Variants in LHX4 observed in about 807,000 individuals in gnomAD.
LHX4 encodes the protein LIM homeobox 4, also known as LIM/homeobox protein Lhx4.
LHX4 carries 16 observed loss-of-function variants against 39.2 expected under a neutral mutation model. The observed-to-expected ratio is 0.41, with a 90% CI of 0.28 to 0.62. The LOEUF (loss-of-function observed/expected upper bound fraction) is 0.62. Among genes scored for constraint, LHX4 ranks in the 20% least tolerant of loss-of-function variants. The pLI, the probability that LHX4 is intolerant of heterozygous loss-of-function variation, is 0.33. For synonymous variants in LHX4, 206 were observed against 198.1 expected, an observed-to-expected ratio of 1.04 and a Z score of -0.33; for missense variants, 439 against 511.9, an observed-to-expected ratio of 0.86 and a Z score of 1.37.
At chr1:180,250,463 G>A (rs1647579546) in intron 2 of LHX4, among the ~76,000 whole-genome samples, 1 of 152,180 alleles carries the variant, frequency 6.6e-6, no homozygotes, top group South Asian at 2.1e-4. Context: ...GAGCTGCCCT[G>A]CTTCTGTGAT....
chr1:180,229,968 G>T (rs1226525601), upstream of LHX4, among the ~76,000 whole-genome samples: 3 of 140,880 alleles, frequency 2.1e-5, no homozygotes, highest in Non-Finnish European at 3.1e-5. Context: ...GCGGGGAGGG[G>T]GGGGGGGTGC....
upstream of LHX4, chr1:180,230,177 G>A (rs1664139033): frequency 7.8e-6 from 3 of 385,432 alleles, no homozygotes; most frequent in South Asian, 4.7e-5. This position sits in a 1 kb window ranked among gnomAD's most constrained non-coding sequence, Gnocchi z 5.8. Context: ...AAACGCCCGG[G>A]TGACCGCGGC....
upstream of LHX4, among the ~76,000 whole-genome samples, chr1:180,229,291 A>G (rs1664100374): frequency 6.6e-6 from 1 of 152,118 alleles, no homozygotes; most frequent in African/African-American, 2.4e-5. Context: ...GGGACCTAAG[A>G]CAGGGCCGAG....
chr1:180,262,696 A>G (rs954173041), intron 2 of LHX4, among the ~76,000 whole-genome samples: 2 of 149,710 alleles, frequency 1.3e-5, no homozygotes, highest in Non-Finnish European at 3.0e-5. Flanking sequence ...AAAAAAAAAA[A>G]GAAAAGAAAA....
At chr1:180,264,378 A>ACACACACACACACACACAC (rs1242935728) in intron 2 of LHX4, among the ~76,000 whole-genome samples, 11 of 145,302 alleles carry the variant, frequency 7.6e-5, no homozygotes, top group Admixed American at 1.4e-4. Context: ...ACACACACAT[A>ACACACACACACACACACAC]ACACACACAC....
chr1:180,269,694 T>C (rs1001819837), intron 3 of LHX4: 9 of 152,246 alleles, frequency 5.9e-5, no homozygotes, highest in African/African-American at 2.2e-4. Context: ...AATATAAAGA[T>C]TGTACACAAG....
rs550247877 is a variant in LHX4 at position 180,238,749 on chromosome 1, C to T, written c.76+8144C>T. Among the ~76,000 whole-genome samples the T allele has an allele frequency of 1.5e-3, 229 of 152,192 alleles. 2 individuals are homozygous for T. Among genetic ancestry groups the T allele is most frequent in the South Asian group, 0.015 (72 of 4,818 alleles). On this transcript the variant is annotated intron_variant, in intron 1 of 5. Transcript: ENST00000263726. Reference sequence around the variant, plus strand: ...ATTCTGTTATTGTCTCTTCAAGATACGCTGATTTAGAATAAGTGAAAATAT... The same window carrying T: ...ATTCTGTTATTGTCTCTTCAAGATATGCTGATTTAGAATAAGTGAAAATAT...
At position 180,248,387 on chromosome 1, in the gene LHX4, G is replaced by A; in HGVS notation, c.179G>A (p.Cys60Tyr). Residue 60 changes from cysteine to tyrosine, a missense_variant, in exon 2 of 6, where the codon TGC becomes TAC. Coordinates refer to ENST00000263726, the MANE Select transcript of LHX4 (RefSeq NM_033343.4). ...WHSSCLKCAD[C>Y]QMQLADRCFS... Reference sequence around the variant, plus strand: ...AGCTCCTGCCTCAAGTGTGCAGACTGCCAGATGCAGCTGGCGGACAGGTGC... The same window carrying A: ...AGCTCCTGCCTCAAGTGTGCAGACTACCAGATGCAGCTGGCGGACAGGTGC... 1 of 1,614,250 alleles carries A rather than the reference G, an allele frequency of 6.2e-7. No individual in the cohort carries two copies. Among genetic ancestry groups the A allele is most frequent in the Non-Finnish European group, 8.5e-7 (1 of 1,180,044 alleles).
At chr1:180,231,565 CGCGCGCGCGCGCGACAAGCGCCGGGAGA>C (rs1664181263) in intron 1 of LHX4, among the ~76,000 whole-genome samples, 1 of 138,684 alleles carries the variant, frequency 7.2e-6, no homozygotes, top group Non-Finnish European at 1.5e-5. Context: ...CGCGCGCGCG[CGCGCGCGCGCGCGACAAGCGCCGGGAGA>C]GTCCTGCCCC....
chr1:180,248,173 G>C, intron 1 of LHX4, 112 bp from the exon 2 acceptor site: 1 of 950,342 alleles, frequency 1.1e-6, no homozygotes, highest in South Asian at 1.4e-5. Context: ...CTGCGGTTTG[G>C]GCCATGTCTG....
intron 1 of LHX4, among the ~76,000 whole-genome samples, chr1:180,239,411 C>T (rs1344360567): frequency 6.6e-6 from 1 of 152,210 alleles, no homozygotes; most frequent in African/African-American, 2.4e-5. Context: ...ATTTCAGTTG[C>T]ATATGTGATT....
chr1:180,244,260 G>A (rs1460227629), intron 1 of LHX4, among the ~76,000 whole-genome samples: 1 of 152,156 alleles, frequency 6.6e-6, no homozygotes, highest in Non-Finnish European at 1.5e-5. Flanking sequence ...GAATAGAAAA[G>A]GTTTTTAATT....
At chr1:180,260,296 G>C (rs1485020263) in intron 2 of LHX4, among the ~76,000 whole-genome samples, 1 of 151,740 alleles carries the variant, frequency 6.6e-6, no homozygotes, top group Non-Finnish European at 1.5e-5. Context: ...TCTGCTCAGA[G>C]GTCGGAACTT....
intron 3 of LHX4, among the ~76,000 whole-genome samples, chr1:180,268,637 T>A (rs1397598194): frequency 6.6e-6 from 1 of 152,120 alleles, no homozygotes; most frequent in Non-Finnish European, 1.5e-5. Context: ...AGGATGAGGC[T>A]TGTGAAATGG....
chr1:180,259,043 G>A (rs778764781), intron 2 of LHX4, among the ~76,000 whole-genome samples: 21 of 152,040 alleles, frequency 1.4e-4, no homozygotes, highest in Non-Finnish European at 2.6e-4. Context: ...AGAGGCAGTG[G>A]AGCCCCAGTC....
chr1:180,271,745 T>C, intron 4 of LHX4, 90 bp from the exon 5 acceptor site: 1 of 1,472,012 alleles, frequency 6.8e-7, no homozygotes, highest in Non-Finnish European at 9.5e-7. Context: ...CAGGCTTCAG[T>C]CTGCTTCCAG....
chr1:180,268,075 G>A (rs1257212746), intron 3 of LHX4, among the ~76,000 whole-genome samples: 1 of 152,192 alleles, frequency 6.6e-6, no homozygotes. Flanking sequence ...CTCTTTGCCT[G>A]CAATGTACTA....
At chr1:180,273,943 T>C (rs1234009670) in intron 5 of LHX4, 2 of 556,794 alleles carry the variant, frequency 3.6e-6, no homozygotes, top group East Asian at 6.3e-5. Context: ...TCACCAAACA[T>C]TTGTCCATCC....
intron 2 of LHX4, among the ~76,000 whole-genome samples, chr1:180,251,293 G>A (rs1364762641): frequency 6.6e-6 from 1 of 152,188 alleles, no homozygotes; most frequent in Non-Finnish European, 1.5e-5. Context: ...CATGCTTGGT[G>A]GGCTGCCGCC....
Sources: allele counts gnomAD v4.1 joint callset (sites outside exome capture counted in the v4.1 genomes callset), GRCh38; gene constraint gnomAD v4.1.1; non-coding constraint Gnocchi (gnomAD v3.1); transcripts MANE v1.5; gene names NCBI Gene and HGNC (gene_info 2026-07-23, HGNC 2026-07-21).